The following ENKD1 variants were observed in gnomAD, a reference collection of about 807,000 sequenced individuals.
ENKD1 encodes enkurin domain-containing protein 1.
Under a neutral mutation model 35.8 loss-of-function variants are expected in ENKD1, and 39 were observed. The ratio of observed to expected loss-of-function variants is 1.09; its 90% CI spans 0.84 to 1.42. ENKD1 has a LOEUF of 1.42. Ranked by LOEUF, ENKD1 falls within the 40% of genes most tolerant of loss-of-function variation. The probability of loss-of-function intolerance (pLI) is 0.00; values close to 1 mark genes in which losing one functional copy is unlikely to be tolerated. For missense variants in ENKD1, 474 were observed against 471.3 expected (o/e 1.01, Z -0.05); for synonymous variants, 205 against 198.6 (o/e 1.03, Z -0.27).
rs1281539396 is a variant in ENKD1 at position 67,663,419 on chromosome 16, C to G, written c.880+1G>C. 2 of 1,613,010 alleles carry G rather than the reference C, an allele frequency of 1.2e-6. No individual in the cohort carries two copies. Among genetic ancestry groups the G allele is most frequent in the Admixed American group, 3.3e-5 (2 of 59,996 alleles). ...TCCAGCCTCCCTGCCCAGGTACTCA[C>G]TCTGGAGCAGCTTGGTCAGTGTTTC... is the stretch of plus-strand genomic sequence containing the variant. On this transcript the variant is annotated splice_donor_variant, in intron 6 of 6. Transcript: ENST00000243878. LOFTEE classifies it high-confidence loss of function.
In ENKD1 at chr16:67,665,356, G is replaced by A. The variant is rs1431672545; in HGVS notation, c.281-188C>T. Among the ~76,000 whole-genome samples, 3 of 151,996 alleles carry A rather than the reference G, an allele frequency of 2.0e-5. No homozygotes were observed. In the East Asian group the frequency reaches 5.8e-4, roughly 29 times the overall value. On this transcript the variant is annotated intron_variant, in intron 2 of 6. Coordinates refer to ENST00000243878, the MANE Select transcript of ENKD1 (RefSeq NM_032140.3). ...CTTCCTCATGTAGTAAGTATCACAG[G>A]ATGATTTTCTCCATTATTATTATTA... is the stretch of plus-strand genomic sequence containing the variant.
Position 67,666,386 on chromosome 16 carries a change from A to G in ENKD1, c.57T>C (p.Cys19=), listed in dbSNP as rs2053103874. 5 of 1,575,022 alleles carry G rather than the reference A, an allele frequency of 3.2e-6. No homozygotes were observed. The highest frequency in any genetic ancestry group is 4.7e-5 in the East Asian group (2 of 43,000). The change falls in exon 1 of 7, where the codon TGT becomes TGC. Residue 19 remains cysteine (C), a synonymous_variant. Coordinates refer to ENST00000243878, the MANE Select transcript of ENKD1 (RefSeq NM_032140.3). ...AGGTCGGCCGCCTGTAGTTGTCAGG[A>G]CAGAGCGTCGGGTCTGGGGGGATGG... ...SGPIPPDPTL[C]PDNYRRPTSA...
At chr16:67,663,911 C>A (rs774749832) in intron 4 of ENKD1, 26 bp downstream of exon 4, 2 of 1,606,380 alleles carry the variant, frequency 1.2e-6, no homozygotes, top group South Asian at 2.2e-5. Flanking sequence ...GCCCAACCAC[C>A]ATCTAGCCCC....
rs1327999242 is a variant in ENKD1, at chr16:67,663,959, G to A, written c.557C>T (p.Thr186Ile). Residue 186 changes from threonine to isoleucine, a missense_variant, in exon 4 of 7, where the codon ACC becomes ATC. Physicochemically the swap from Thr to Ile is moderately conservative, Grantham distance 89 (BLOSUM62 -1). Coordinates refer to ENST00000243878, the MANE Select transcript of ENKD1 (RefSeq NM_032140.3). ...PPPHVSSPQP[T>I]PPGPEAKEPG... is the part of the protein sequence containing the mutation. Reference sequence around the variant, plus strand: ...CACCTTAGCTTCGGGACCTGGTGGGGTTGGCTGGGGACTAGATACATGGGG... The same window carrying A: ...CACCTTAGCTTCGGGACCTGGTGGGATTGGCTGGGGACTAGATACATGGGG... 12 of 1,602,596 alleles carry A rather than the reference G, an allele frequency of 7.5e-6. No homozygotes were observed. Among genetic ancestry groups the A allele is most frequent in the Non-Finnish European group, 1.0e-5 (12 of 1,174,274 alleles).
In ENKD1 at chr16:67,666,429, G is replaced by C. The variant is rs752541921; in HGVS notation, c.14C>G (p.Pro5Arg). The C allele has an allele frequency of 1.2e-5, 19 of 1,536,044 alleles. No homozygotes were observed. The highest frequency in any genetic ancestry group is 1.7e-5 in the Non-Finnish European group (19 of 1,150,180). The change falls in exon 1 of 7, where the codon CCG becomes CGG. Residue 5 changes from proline to arginine, a missense_variant. Physicochemically the swap from Pro to Arg is moderately radical, Grantham distance 103 (BLOSUM62 -2). Transcript: ENST00000243878. MCEGPSRISGPIPPD... is the reference protein window; with the variant it reads MCEGRSRISGPIPPD... ...GGGGATGGGCCCCGAGATGCGGGAC[G>C]GGCCCTCGCACATGCCGCCGGCGCC...
intron 3 of ENKD1, 21 bp from the exon 4 acceptor site, chr16:67,664,083 G>A: frequency 6.5e-7 from 1 of 1,549,996 alleles, no homozygotes; most frequent in Middle Eastern, 1.7e-4. Context: ...GGGCACAGCA[G>A]AGAGAGCAGG....
chr16:67,663,569 A>G lies in ENKD1; in HGVS notation c.744-13T>C, dbSNP rs777870769. ...GCGCTCCAACAAGCTGTGGGTACAC[A>G]GGCTCAGAGTTGATGACCCGAGGGC... On this transcript the variant is annotated splice_polypyrimidine_tract_variant and intron_variant, in intron 5 of 6. Coordinates refer to ENST00000243878, the MANE Select transcript of ENKD1 (RefSeq NM_032140.3). 3.7e-6 allele frequency: 6 copies of G among 1,609,792 alleles called. No individual in the cohort carries two copies. The African/African-American group carries it at 4.0e-5, about 11-fold the overall frequency.
At chr16:67,664,204 A>C (rs1166051357) in intron 3 of ENKD1, 142 bp from the exon 4 acceptor site, 1 of 747,196 alleles carries the variant, frequency 1.3e-6, no homozygotes, top group Admixed American at 2.0e-5. Context: ...ACTTGTCCTC[A>C]TCAGCACACA....
Position 67,666,151 on chromosome 16 carries a change from A to G in ENKD1, c.200T>C (p.Leu67Pro), listed in dbSNP as rs1597783499. Residue 67 changes from leucine (L) to proline (P), a missense_variant, in exon 2 of 7, where the codon CTG becomes CCG. Transcript: ENST00000243878. The part of the protein sequence containing the change: ...PCIGPGAGEI[L>P]ERGQRGVGDV... ...CCCGACGCCGCGCTGGCCGCGCTCC[A>G]GGATCTCTCCGGCACCGGGACCGAT... 6.2e-7 allele frequency: 1 copy of G among 1,612,796 alleles called. No homozygotes were observed. Among genetic ancestry groups the G allele is most frequent in the Non-Finnish European group, 8.5e-7 (1 of 1,179,950 alleles).
chr16:67,666,655 G>A lies in ENKD1; in HGVS notation c.-213C>T. 1 of 511,142 alleles carries A rather than the reference G, an allele frequency of 2.0e-6. No individual in the cohort carries two copies. The highest frequency in any genetic ancestry group is 3.4e-6 in the Non-Finnish European group (1 of 298,218). 31.7% of individuals were successfully genotyped at this position (511,142 alleles called of 1,614,324 possible). ...TGCTCCCAGCCCACTTCTCGGTCCC[G>A]CTCGCGGCCTCTCCCCCGCGGCACT... On this transcript the variant is annotated 5_prime_UTR_variant, in exon 1 of 7. Coordinates refer to ENST00000243878, the MANE Select transcript of ENKD1 (RefSeq NM_032140.3).
At chr16:67,665,490 T>C (rs914462422) in intron 2 of ENKD1, among the ~76,000 whole-genome samples, 1 of 151,950 alleles carries the variant, frequency 6.6e-6, no homozygotes, top group African/African-American at 2.4e-5. Flanking sequence ...GCCTGCCGAG[T>C]AGCTGGGATT....
At chr16:67,664,692 C>T (rs1330955645) in intron 3 of ENKD1, among the ~76,000 whole-genome samples, 5 of 152,234 alleles carry the variant, frequency 3.3e-5, no homozygotes, top group African/African-American at 9.6e-5. Flanking sequence ...ACTTCACGCC[C>T]TTCTTTCCTC....
At chr16:67,664,820 C>T in intron 3 of ENKD1, 176 bp downstream of exon 3, 1 of 700,616 alleles carries the variant, frequency 1.4e-6, no homozygotes, top group African/African-American at 1.8e-5. Flanking sequence ...CCCTCAGGAT[C>T]AGCCCCACCA....
intron 2 of ENKD1, 25 bp from the exon 3 acceptor site, chr16:67,665,193 C>T: frequency 6.2e-7 from 1 of 1,601,854 alleles, no homozygotes; most frequent in African/African-American, 1.3e-5. Context: ...CCCCCAGGTT[C>T]TGCCCTACAT....
intron 3 of ENKD1, 123 bp downstream of exon 3, chr16:67,664,873 G>T: frequency 1.6e-6 from 2 of 1,284,044 alleles, no homozygotes; most frequent in Non-Finnish European, 2.1e-6. Context: ...CTGCAGCAGA[G>T]CCAGGGTCTC....
chr16:67,662,948 T>G lies in ENKD1; in HGVS notation c.*213A>C. Reference sequence around the variant, plus strand: ...GAAAAGCTCTTATGGAAACAAATCCTGTGTACAAAATGTTTAATTTTGACA... The same window carrying G: ...GAAAAGCTCTTATGGAAACAAATCCGGTGTACAAAATGTTTAATTTTGACA... On this transcript the variant is annotated 3_prime_UTR_variant, in exon 7 of 7. Coordinates refer to ENST00000243878, the MANE Select transcript of ENKD1 (RefSeq NM_032140.3). This position sits in a 1 kb window ranked among gnomAD's most constrained non-coding sequence, Gnocchi z 6.9. 1 of 651,450 alleles carries G rather than the reference T, an allele frequency of 1.5e-6. No homozygotes were observed. The allele number at this position is 651,450 out of a possible 1,614,324, so 40.4% of individuals were successfully genotyped here.
At chr16:67,665,602 T>C (rs1179782909) in intron 2 of ENKD1, among the ~76,000 whole-genome samples, 1 of 152,192 alleles carries the variant, frequency 6.6e-6, no homozygotes, top group Non-Finnish European at 1.5e-5. Context: ...ACTCAAGTGA[T>C]CTGCCCGCCT....
chr16:67,663,881 C>T (rs993969734), intron 4 of ENKD1, 56 bp downstream of exon 4: 2 of 1,603,662 alleles, frequency 1.2e-6, no homozygotes, highest in South Asian at 2.2e-5. Flanking sequence ...CCTGAACACC[C>T]CCCCCACACC....
In ENKD1 at chr16:67,666,698, G is replaced by C; in HGVS notation, c.-256C>G. The C allele has an allele frequency of 2.0e-6, 1 of 490,128 alleles. No homozygotes were observed. The highest frequency in any genetic ancestry group is 3.5e-6 in the Non-Finnish European group (1 of 282,612). 30.4% of individuals were successfully genotyped at this position (490,128 alleles called of 1,614,324 possible). A position where few individuals can be genotyped will look rare whatever the true frequency, so the allele number is the denominator to read the frequency against. On this transcript the variant is annotated 5_prime_UTR_variant, in exon 1 of 7. Transcript: ENST00000243878. ...GCGGCACTCGGGCAGGGGCTCACTC[G>C]AGAGGTTTTGCCGCCAGCCGCTGCC...
Sources: allele counts gnomAD v4.1 joint callset (sites outside exome capture counted in the v4.1 genomes callset), GRCh38; gene constraint gnomAD v4.1.1; non-coding constraint Gnocchi (gnomAD v3.1); transcripts MANE v1.5; gene names NCBI Gene and HGNC (gene_info 2026-07-23, HGNC 2026-07-21).